MMP26: variants seen among roughly 807,000 people sequenced by gnomAD.
The protein encoded by MMP26 is matrix metallopeptidase 26.
MMP26 carries 33 observed loss-of-function variants against 31.0 expected under a neutral mutation model. The observed-to-expected ratio is 1.06, with a 90% CI of 0.81 to 1.42. The LOEUF (loss-of-function observed/expected upper bound fraction) is 1.42. MMP26 is among the 40% of genes most tolerant of loss of function. The pLI, the probability that MMP26 is intolerant of heterozygous loss-of-function variation, is 0.00. For missense variants in MMP26, 347 were observed against 316.1 expected (o/e 1.10, Z -0.74); for synonymous variants, 122 against 114.9 (o/e 1.06, Z -0.40).
chr11:4,983,644 GAGGAGAGAT>G (rs1312099319), intron 2 of MMP26, among the ~76,000 whole-genome samples: 2 of 152,164 alleles, frequency 1.3e-5, no homozygotes. Context: ...ATGGGGGTGA[GAGGAGAGAT>G]AGGGGCCTGT....
intron 2 of MMP26, among the ~76,000 whole-genome samples, chr11:4,960,398 A>G (rs1048585910): frequency 1.2e-4 from 18 of 151,732 alleles, no homozygotes; most frequent in African/African-American, 4.1e-4. Flanking sequence ...CTCCACCTCA[A>G]CTGTCAAACA....
chr11:4,894,012 A>T (rs1850666141), intron 2 of MMP26, among the ~76,000 whole-genome samples: 1 of 152,186 alleles, frequency 6.6e-6, no homozygotes, highest in Non-Finnish European at 1.5e-5. Flanking sequence ...AATATACAAA[A>T]TACATAAAAT....
chr11:4,897,426 T>A (rs1251414210), intron 2 of MMP26, among the ~76,000 whole-genome samples: 2 of 152,176 alleles, frequency 1.3e-5, no homozygotes, highest in Non-Finnish European at 1.5e-5. Flanking sequence ...GCATAAGCCA[T>A]CATGCCCGGC....
At chr11:4,842,502 GAGAC>G (rs1016073229) in intron 2 of MMP26, among the ~76,000 whole-genome samples, 19 of 152,212 alleles carry the variant, frequency 1.2e-4, no homozygotes, top group African/African-American at 3.4e-4. Context: ...TGACGGGAGA[GAGAC>G]AGAGTGAAGA....
rs889315459 is a variant in MMP26 at position 4,723,037 on chromosome 11, G to C, written c.-217+17992G>C. On this transcript the variant is annotated intron_variant, in intron 1 of 7. Transcript: ENST00000380390. ...TGTAGGTGGCGATCTCGATATCCAGGGCCAGTTTGACTTTCATCAGCTCCT... is the reference window on the plus strand; with the variant it reads ...TGTAGGTGGCGATCTCGATATCCAGCGCCAGTTTGACTTTCATCAGCTCCT... 2.2e-5 allele frequency: 23 copies of C among 1,053,020 alleles called. 1 individual carries two copies. Among genetic ancestry groups the C allele is most frequent in the Middle Eastern group, 5.0e-4 (2 of 3,974 alleles). The allele number at this position is 1,053,020 out of a possible 1,614,324, so 65.2% of individuals were successfully genotyped here. A position where few individuals can be genotyped will look rare whatever the true frequency, so the allele number is the denominator to read the frequency against.
intron 2 of MMP26, among the ~76,000 whole-genome samples, chr11:4,771,184 T>C (rs1279722581): frequency 6.6e-6 from 1 of 152,174 alleles, no homozygotes; most frequent in African/African-American, 2.4e-5. Context: ...AGGTTAAAAA[T>C]GTAGCAGATA....
chr11:4,967,334 T>A (rs1360271623), intron 2 of MMP26, among the ~76,000 whole-genome samples: 1 of 152,220 alleles, frequency 6.6e-6, no homozygotes, highest in East Asian at 1.9e-4. Context: ...TAATTATTTA[T>A]GTAAGTGCAG....
chr11:4,731,763 C>T lies in MMP26; in HGVS notation c.-217+26718C>T, dbSNP rs560890657. On this transcript the variant is annotated intron_variant, in intron 1 of 7. Coordinates refer to ENST00000380390, the MANE Select transcript of MMP26 (RefSeq NM_021801.5). ...GTGGCTATTTCCTGTCAATTCATAG[C>T]CCACCAGAAATGATGTATTTAGGGA... Among the ~76,000 whole-genome samples the T allele has an allele frequency of 6.6e-5, 10 of 152,264 alleles. No homozygotes were observed. In the South Asian group the frequency reaches 1.9e-3, roughly 28 times the overall value.
chr11:4,959,065 A>C (rs939554974), intron 2 of MMP26, among the ~76,000 whole-genome samples: 1 of 151,624 alleles, frequency 6.6e-6, no homozygotes, highest in Non-Finnish European at 1.5e-5. Flanking sequence ...GGTGAAACCC[A>C]GTCTCTACTA....
chr11:4,753,475 G>A (rs1848471286), intron 1 of MMP26, among the ~76,000 whole-genome samples: 1 of 151,888 alleles, frequency 6.6e-6, no homozygotes, highest in Non-Finnish European at 1.5e-5. Flanking sequence ...TCCTTCAACT[G>A]GATTATGAGA....
At chr11:4,868,164 T>C (rs1850261990) in intron 2 of MMP26, among the ~76,000 whole-genome samples, 1 of 152,100 alleles carries the variant, frequency 6.6e-6, no homozygotes. Flanking sequence ...AAATACCACT[T>C]GTTCTTACCT....
chr11:4,984,254 A>T (rs1846855196), intron 2 of MMP26, among the ~76,000 whole-genome samples: 1 of 152,184 alleles, frequency 6.6e-6, no homozygotes, highest in African/African-American at 2.4e-5. Flanking sequence ...ACTTCTATAC[A>T]TAACTTTGAG....
intron 1 of MMP26, among the ~76,000 whole-genome samples, chr11:4,740,683 A>G (rs1848300851): frequency 8.2e-6 from 1 of 122,024 alleles, no homozygotes; most frequent in East Asian, 2.2e-4. Context: ...GACTCTGTCA[A>G]AAAAAAAAAA....
chr11:4,718,764 C>G (rs1397298720), intron 1 of MMP26: 1 of 157,572 alleles, frequency 6.3e-6, no homozygotes, highest in African/African-American at 2.4e-5. Context: ...TCTTTGCCAT[C>G]GTTACTCAGC....
At position 4,706,577 on chromosome 11, in the gene MMP26, CAAAAAAAAAA is replaced by C. The variant is rs71050423; in HGVS notation, c.-217+1545_-217+1554del. ...TGGGCAACAGAGCAAGACCCTATCTCAAAAAAAAAAAAAAAAAAAAAAGACAGAAAGAAAG... is the reference window on the plus strand; with the variant it reads ...TGGGCAACAGAGCAAGACCCTATCTCAAAAAAAAAAAAGACAGAAAGAAAG... On this transcript the variant is annotated intron_variant, in intron 1 of 7. Coordinates refer to ENST00000380390, the MANE Select transcript of MMP26 (RefSeq NM_021801.5). Among the ~76,000 whole-genome samples, 13 of 87,568 alleles carry C rather than the reference CAAAAAAAAAA, an allele frequency of 1.5e-4. 1 individual carries two copies. The East Asian group carries it at 1.6e-3, about 11-fold the overall frequency. The allele number at this position is 87,568 out of a possible 152,430, so 57.4% of individuals were successfully genotyped here.
chr11:4,769,007 G>A, intron 2 of MMP26: 7 of 1,519,812 alleles, frequency 4.6e-6, no homozygotes, highest in Non-Finnish European at 6.2e-6. Flanking sequence ...ACTGAGCATA[G>A]CCTTGCGGAT....
chr11:4,991,587 G>C, intron 6 of MMP26, 91 bp downstream of exon 6: 1 of 1,493,520 alleles, frequency 6.7e-7, no homozygotes, highest in Non-Finnish European at 9.0e-7. Context: ...AGAGTGGTCA[G>C]GGTGAGGTGG....
At chr11:4,824,234 C>T (rs1034193073) in intron 2 of MMP26, among the ~76,000 whole-genome samples, 2 of 152,026 alleles carry the variant, frequency 1.3e-5, no homozygotes, top group Admixed American at 6.6e-5. Flanking sequence ...CTGATGTCAG[C>T]CTGGTGCTGA....
intron 2 of MMP26, chr11:4,863,801 T>C (rs1850197474): frequency 6.6e-6 from 1 of 152,210 alleles, no homozygotes; most frequent in African/African-American, 2.4e-5. Flanking sequence ...CCACTTGAGC[T>C]ATCCCTTCCT....
Sources: allele counts gnomAD v4.1 joint callset (sites outside exome capture counted in the v4.1 genomes callset), GRCh38; gene constraint gnomAD v4.1.1; transcripts MANE v1.5; gene names NCBI Gene and HGNC (gene_info 2026-07-23, HGNC 2026-07-21).